Variants in ARHGEF18 observed in about 807,000 individuals in gnomAD.
ARHGEF18 encodes the protein rho guanine nucleotide exchange factor 18.
In ARHGEF18, 93 loss-of-function variants were observed where a neutral mutation model predicts 155.7. The observed-to-expected ratio is 0.60, with a 90% CI of 0.50 to 0.71. ARHGEF18 has a LOEUF of 0.71. ARHGEF18 is among the 30% of genes least tolerant of loss of function. The pLI is 0.00. For missense variants in ARHGEF18, 1,593 were observed against 1,816.1 expected (o/e 0.88, Z 2.23); for synonymous variants, 742 against 753.1 (o/e 0.99, Z 0.24).
intron 15 of ARHGEF18, among the ~76,000 whole-genome samples, chr19:7,449,558 C>T (rs1975226293): frequency 1.3e-5 from 2 of 152,116 alleles, no homozygotes; most frequent in African/African-American, 2.4e-5. Flanking sequence ...AAGGCACAGG[C>T]CCACTCTAGT....
At chr19:7,434,190 TG>T (rs1974128923) in intron 10 of ARHGEF18, among the ~76,000 whole-genome samples, 2 of 152,200 alleles carry the variant, frequency 1.3e-5, no homozygotes, top group South Asian at 4.1e-4. Context: ...ACAGGGTCTA[TG>T]TTGCCCAGGC....
chr19:7,396,989 T>G (rs975943168), intron 10 of ARHGEF18, among the ~76,000 whole-genome samples: 1 of 151,586 alleles, frequency 6.6e-6, no homozygotes, highest in African/African-American at 2.4e-5. Flanking sequence ...ACATTCCAAA[T>G]TATAAAGAGT....
rs1157164122 is a variant in ARHGEF18 at position 7,367,754 on chromosome 19, A to T, written c.15+4849A>T. On this transcript the variant is annotated intron_variant, in intron 2 of 28. Transcript: ENST00000668164. ...AGAGTGAAACTCCATCTCAAAAAAA[A>T]AAAAATATATATATATATACACATA... is the stretch of plus-strand genomic sequence containing the variant. Among the ~76,000 whole-genome samples, 13 of 110,666 alleles carry T rather than the reference A, an allele frequency of 1.2e-4. 1 individual carries two copies. In the South Asian group the frequency reaches 1.6e-3, roughly 14 times the overall value. The allele number at this position is 110,666 out of a possible 152,430, so 72.6% of individuals were successfully genotyped here. A position where few individuals can be genotyped will look rare whatever the true frequency, so the allele number is the denominator to read the frequency against.
chr19:7,450,709 G>A (rs1424847995), intron 15 of ARHGEF18, among the ~76,000 whole-genome samples: 2 of 152,298 alleles, frequency 1.3e-5, no homozygotes, highest in African/African-American at 2.4e-5. Context: ...TTTCCGAGAT[G>A]TTAATGCAAG....
intron 10 of ARHGEF18, among the ~76,000 whole-genome samples, chr19:7,407,930 C>T (rs1317530083): frequency 7.1e-6 from 1 of 140,676 alleles, no homozygotes; most frequent in African/African-American, 2.8e-5. Flanking sequence ...CCACTGCACT[C>T]CAGCCTGGGC....
chr19:7,373,650 AT>A (rs1362251318), intron 3 of ARHGEF18, among the ~76,000 whole-genome samples: 1 of 150,108 alleles, frequency 6.7e-6, no homozygotes, highest in Non-Finnish European at 1.5e-5. Context: ...TAATGTTTGT[AT>A]TTTTAGTAGA....
At position 7,379,124 on chromosome 19, in the gene ARHGEF18, T is replaced by C; in HGVS notation, c.602T>C (p.Leu201Pro). The C allele has an allele frequency of 8.1e-7, 1 of 1,232,428 alleles. No homozygotes were observed. The highest frequency in any genetic ancestry group is 1.0e-6 in the Non-Finnish European group (1 of 988,234). 76.3% of individuals were successfully genotyped at this position (1,232,428 alleles called of 1,614,324 possible). The change falls in exon 7 of 29, where the codon CTG becomes CCG. Residue 201 changes from leucine to proline, a missense_variant and splice_region_variant. Transcript: ENST00000668164. ...EKDHVEPDHV[L>P]IVQQVLQELR... Reference sequence around the variant, plus strand: ...TAATCCCACCTCCACCCCCACAGGCTGATTGTCCAGCAGGTGCTTCAAGAA... The same window carrying C: ...TAATCCCACCTCCACCCCCACAGGCCGATTGTCCAGCAGGTGCTTCAAGAA...
chr19:7,455,494 A>C (rs904370277), intron 17 of ARHGEF18, among the ~76,000 whole-genome samples: 1 of 152,174 alleles, frequency 6.6e-6, no homozygotes. Flanking sequence ...CGAGAGGTTC[A>C]TACAGGGACA....
intron 6 of ARHGEF18, 26 bp downstream of exon 6, chr19:7,378,477 AG>A (rs1303724261): frequency 6.5e-6 from 8 of 1,232,724 alleles, no homozygotes; most frequent in Non-Finnish European, 8.1e-6. Context: ...GTGGTGGGGG[AG>A]GGACCCCCAG....
chr19:7,372,476 GAAAAAA>G (rs66871458), intron 2 of ARHGEF18, among the ~76,000 whole-genome samples: 2 of 147,344 alleles, frequency 1.4e-5, no homozygotes, highest in African/African-American at 4.9e-5. Context: ...GTACCAAAAA[GAAAAAA>G]AAAAAGAGAG....
At chr19:7,396,610 G>A (rs1024480583) in intron 10 of ARHGEF18, among the ~76,000 whole-genome samples, 1 of 152,026 alleles carries the variant, frequency 6.6e-6, no homozygotes, top group African/African-American at 2.4e-5. Flanking sequence ...AGCTACTCTG[G>A]AGGCTGAGGC....
In ARHGEF18 at chr19:7,468,078, G is replaced by A. The variant is rs1600552814; in HGVS notation, c.3480+394G>A. On this transcript the variant is annotated intron_variant, in intron 26 of 28. Coordinates refer to ENST00000668164, the MANE Select transcript of ARHGEF18 (RefSeq NM_001367823.1). ...GAGCTAGGCATGGTGGCATGCACCT[G>A]TGGTCCCCGCTACTTGGAATGCTGA... Among the ~76,000 whole-genome samples, 7 of 152,250 alleles carry A rather than the reference G, an allele frequency of 4.6e-5. No individual in the cohort carries two copies. In the South Asian group the frequency reaches 1.5e-3, roughly 32 times the overall value.
chr19:7,413,492 G>A (rs943811545), intron 10 of ARHGEF18, among the ~76,000 whole-genome samples: 3 of 151,974 alleles, frequency 2.0e-5, no homozygotes, highest in African/African-American at 4.8e-5. Flanking sequence ...TAGTAGACAC[G>A]GGGTTTCACC....
intron 14 of ARHGEF18, 96 bp from the exon 15 acceptor site, chr19:7,446,947 T>C: frequency 7.7e-7 from 1 of 1,300,698 alleles, no homozygotes; most frequent in Non-Finnish European, 1.0e-6. Context: ...TGCAAATAAA[T>C]CTAATATTTA....
At chr19:7,475,521 T>A (rs1049631924), downstream of ARHGEF18, among the ~76,000 whole-genome samples, 3 of 131,892 alleles carry the variant, frequency 2.3e-5, no homozygotes, top group Admixed American at 7.4e-5. Flanking sequence ...CATAAAACTG[T>A]TTAAACACAC....
chr19:7,359,026 T>C (rs1224656323), intron 1 of ARHGEF18, among the ~76,000 whole-genome samples: 2 of 152,146 alleles, frequency 1.3e-5, no homozygotes, highest in East Asian at 3.8e-4. Flanking sequence ...TAAAATTGTC[T>C]GCAGAGGATC....
chr19:7,406,578 G>A (rs768301303), intron 10 of ARHGEF18, among the ~76,000 whole-genome samples: 13 of 151,982 alleles, frequency 8.6e-5, no homozygotes, highest in Non-Finnish European at 1.0e-4. Context: ...TTCAGAGAGG[G>A]CAAAAAACAA....
At chr19:7,413,294 C>CTTTT (rs71179106) in intron 10 of ARHGEF18, among the ~76,000 whole-genome samples, 9 of 138,290 alleles carry the variant, frequency 6.5e-5, no homozygotes, top group Non-Finnish European at 7.8e-5. Context: ...AAACAAAAAG[C>CTTTT]TTTTTTTTTT....
chr19:7,446,887 T>C (rs1006425699), intron 14 of ARHGEF18, among the ~76,000 whole-genome samples, 156 bp from the exon 15 acceptor site: 3 of 138,022 alleles, frequency 2.2e-5, no homozygotes, highest in Admixed American at 7.4e-5. Flanking sequence ...CAGAGCAAGA[T>C]GCTGTCTCAA....
Sources: allele counts gnomAD v4.1 joint callset (sites outside exome capture counted in the v4.1 genomes callset), GRCh38; gene constraint gnomAD v4.1.1; transcripts MANE v1.5; gene names NCBI Gene and HGNC (gene_info 2026-07-23, HGNC 2026-07-21).